The following SLC38A8 variants were observed in gnomAD, a reference collection of about 807,000 sequenced individuals.
The protein encoded by SLC38A8 is amino acid transporter SLC38A8.
SLC38A8 carries 65 observed loss-of-function variants against 46.0 expected under a neutral mutation model. The ratio of observed to expected loss-of-function variants is 1.41; its 90% CI spans 1.16 to 1.74. The LOEUF is 1.74. Ranked by LOEUF, SLC38A8 falls within the 40% of genes most tolerant of loss-of-function variation. The probability of loss-of-function intolerance (pLI) is 0.00; values close to 1 mark genes in which losing one functional copy is unlikely to be tolerated. For missense variants in SLC38A8, 998 were observed against 567.9 expected, an observed-to-expected ratio of 1.76 and a Z score of -7.70; for synonymous variants, 447 against 243.7, an observed-to-expected ratio of 1.83 and a Z score of -7.77.
rs769356760 is a variant in SLC38A8 at position 84,041,922 on chromosome 16, A to T, written c.189+47T>A. 2.6e-6 allele frequency: 4 copies of T among 1,510,550 alleles called. No individual in the cohort carries two copies. In the East Asian group the frequency reaches 6.9e-5, roughly 26 times the overall value. 93.6% of individuals were successfully genotyped at this position (1,510,550 alleles called of 1,614,324 possible). A position where few individuals can be genotyped will look rare whatever the true frequency, so the allele number is the denominator to read the frequency against. Reference sequence around the variant, plus strand: ...GCGAGGAACCCCACCCAGAAAAGCCAAAGCCACCTCGTACCCGTCCCCAGG... The same window carrying T: ...GCGAGGAACCCCACCCAGAAAAGCCTAAGCCACCTCGTACCCGTCCCCAGG... On this transcript the variant is annotated intron_variant, in intron 2 of 10. Coordinates refer to ENST00000299709, the MANE Select transcript of SLC38A8 (RefSeq NM_001080442.3).
chr16:84,027,218 C>T (rs536852618), intron 6 of SLC38A8, among the ~76,000 whole-genome samples: 31 of 152,250 alleles, frequency 2.0e-4, no homozygotes, highest in African/African-American at 7.0e-4. Context: ...GACGTGGTGA[C>T]AGGCGCCTGT....
chr16:84,035,048 C>A (rs555925709), intron 3 of SLC38A8, among the ~76,000 whole-genome samples: 1 of 152,332 alleles, frequency 6.6e-6, no homozygotes, highest in South Asian at 2.1e-4. Flanking sequence ...AAATATCTAA[C>A]CAGATATACA....
At chr16:84,013,621 G>A (rs531080910) in intron 9 of SLC38A8, among the ~76,000 whole-genome samples, 192 of 151,822 alleles carry the variant, frequency 1.3e-3, no homozygotes, top group Non-Finnish European at 2.1e-3. Context: ...AGTAGAGACG[G>A]GATTTCACCA....
At chr16:84,023,756 T>G (rs1298804631) in intron 6 of SLC38A8, among the ~76,000 whole-genome samples, 1 of 152,156 alleles carries the variant, frequency 6.6e-6, no homozygotes, top group Non-Finnish European at 1.5e-5. Flanking sequence ...TAGCCGGGCA[T>G]GGTAATGAGC....
chr16:84,015,581 G>GA (rs398078802), intron 9 of SLC38A8, among the ~76,000 whole-genome samples: 2 of 150,456 alleles, frequency 1.3e-5, no homozygotes, highest in African/African-American at 2.4e-5. Context: ...CCCCGGCGGG[G>GA]GTTCAGGGCC....
intron 6 of SLC38A8, among the ~76,000 whole-genome samples, chr16:84,025,828 G>A (rs545320632): frequency 7.7e-4 from 117 of 152,330 alleles, no homozygotes; most frequent in African/African-American, 2.7e-3. Context: ...CCTTCCGCTG[G>A]CGCGTTGACC....
chr16:84,025,954 C>T (rs978626467), intron 6 of SLC38A8, among the ~76,000 whole-genome samples: 2 of 152,226 alleles, frequency 1.3e-5, no homozygotes, highest in African/African-American at 2.4e-5. Context: ...ACTTGTGGGG[C>T]TCACCCCACA....
intron 7 of SLC38A8, among the ~76,000 whole-genome samples, chr16:84,019,373 C>T (rs572009069): frequency 3.2e-4 from 48 of 152,246 alleles, no homozygotes; most frequent in Admixed American, 4.6e-4. Context: ...CGCACCCAGC[C>T]TCCAATATTT....
At chr16:84,033,579 C>T in intron 3 of SLC38A8, 110 bp from the exon 4 acceptor site, 2 of 1,274,254 alleles carry the variant, frequency 1.6e-6, no homozygotes, top group Non-Finnish European at 2.1e-6. Context: ...CCTCAGCCAG[C>T]CCCAGGAGCC....
chr16:84,031,421 A>G (rs2085236457), intron 5 of SLC38A8, among the ~76,000 whole-genome samples: 1 of 152,180 alleles, frequency 6.6e-6, no homozygotes, highest in South Asian at 2.1e-4. Flanking sequence ...ACTCATCCAG[A>G]GCAAAACCAA....
intron 5 of SLC38A8, among the ~76,000 whole-genome samples, chr16:84,030,545 G>A (rs2085225670): frequency 6.6e-6 from 1 of 151,990 alleles, no homozygotes; most frequent in African/African-American, 2.4e-5. Flanking sequence ...ATGTCTCCAG[G>A]TCGGCTCTAC....
chr16:84,030,018 C>T (rs535562027), intron 5 of SLC38A8, among the ~76,000 whole-genome samples: 1 of 152,292 alleles, frequency 6.6e-6, no homozygotes, highest in African/African-American at 2.4e-5. Context: ...CCGCCTGGTT[C>T]ACAGCTTCCT....
At chr16:84,019,195 C>A (rs755902482) in intron 7 of SLC38A8, among the ~76,000 whole-genome samples, 4 of 152,106 alleles carry the variant, frequency 2.6e-5, no homozygotes, top group Non-Finnish European at 4.4e-5. Context: ...TTGCCTCAGC[C>A]TCCTGAGTAG....
intron 6 of SLC38A8, among the ~76,000 whole-genome samples, chr16:84,028,391 G>A (rs1011217687): frequency 2.6e-5 from 4 of 151,856 alleles, no homozygotes; most frequent in African/African-American, 9.7e-5. Context: ...GACCAGCCTG[G>A]CCAACATAGT....
chr16:84,024,776 G>A (rs1026244546), intron 6 of SLC38A8, among the ~76,000 whole-genome samples: 12 of 151,790 alleles, frequency 7.9e-5, no homozygotes, highest in South Asian at 2.1e-4. Context: ...CGCAACCTCC[G>A]CCTCCCGGGC....
At chr16:84,015,799 G>A (rs1446547323) in intron 9 of SLC38A8, among the ~76,000 whole-genome samples, 2 of 152,078 alleles carry the variant, frequency 1.3e-5, no homozygotes, top group Non-Finnish European at 2.9e-5. Flanking sequence ...TCCGCCTCCC[G>A]GGTTCAAGTG....
intron 7 of SLC38A8, among the ~76,000 whole-genome samples, chr16:84,018,164 C>G (rs1261611067): frequency 2.0e-5 from 3 of 148,272 alleles, no homozygotes; most frequent in African/African-American, 7.5e-5. Flanking sequence ...TGGGGACTGT[C>G]TTCAGAGGTG....
chr16:84,020,277 G>T (rs1269386792), intron 7 of SLC38A8, among the ~76,000 whole-genome samples: 2 of 151,940 alleles, frequency 1.3e-5, no homozygotes, highest in Non-Finnish European at 2.9e-5. Context: ...CTGAGTAGCT[G>T]GAACTACAGG....
intron 7 of SLC38A8, among the ~76,000 whole-genome samples, chr16:84,019,088 T>C (rs2085066586): frequency 6.6e-6 from 1 of 152,060 alleles, no homozygotes; most frequent in Non-Finnish European, 1.5e-5. Context: ...AAAAAAATTT[T>C]TTTTTTTTTT....
Sources: gnomAD v4.1 joint callset for allele counts (sites outside exome capture counted in the v4.1 genomes callset) on GRCh38, gnomAD v4.1.1 for gene constraint, MANE v1.5 for transcripts, NCBI Gene and HGNC (gene_info 2026-07-23, HGNC 2026-07-21) for gene names.